Variants in CSMD2 observed in about 807,000 individuals in gnomAD.
CSMD2 encodes CUB and sushi domain-containing protein 2.
Under a neutral mutation model 398.5 loss-of-function variants are expected in CSMD2, and 130 were observed. The ratio of observed to expected loss-of-function variants is 0.33; its 90% CI spans 0.28 to 0.38. CSMD2 has a LOEUF of 0.38. Among genes scored for constraint, CSMD2 ranks in the 10% least tolerant of loss-of-function variants. CSMD2 has a pLI of 1.00. For synonymous variants in CSMD2, 1,828 were observed against 1,908.5 expected (o/e 0.96, Z 1.10); for missense variants, 3,829 against 4,764.9 (o/e 0.80, Z 5.78).
intron 48 of CSMD2, among the ~76,000 whole-genome samples, chr1:33,579,022 A>T (rs1638501569): frequency 1.3e-5 from 2 of 152,084 alleles, no homozygotes; most frequent in African/African-American, 4.8e-5. Flanking sequence ...TGCAAATTAC[A>T]CTCATCTACT....
intron 4 of CSMD2, among the ~76,000 whole-genome samples, chr1:33,927,601 G>A (rs1406256508): frequency 6.6e-6 from 1 of 152,102 alleles, no homozygotes; most frequent in Non-Finnish European, 1.5e-5. Flanking sequence ...TTGGAGCTAG[G>A]GTTTGAACCT....
intron 3 of CSMD2, among the ~76,000 whole-genome samples, chr1:33,974,290 G>A (rs979765563): frequency 3.3e-5 from 5 of 152,178 alleles, no homozygotes; most frequent in African/African-American, 7.2e-5. Context: ...ACATGGGCTC[G>A]CACAAATCTC....
intron 22 of CSMD2, 105 bp downstream of exon 22, chr1:33,708,984 G>A (rs1238744343): frequency 9.5e-7 from 1 of 1,053,332 alleles, no homozygotes; most frequent in Non-Finnish European, 1.4e-6. Context: ...TGGGACTCAG[G>A]AAGGAAGGAG....
chr1:33,904,471 G>A (rs1333450439), intron 5 of CSMD2, among the ~76,000 whole-genome samples: 2 of 152,146 alleles, frequency 1.3e-5, no homozygotes, highest in African/African-American at 4.8e-5. Flanking sequence ...TCTCCTTGTC[G>A]CTACTGTTCC....
intron 53 of CSMD2, among the ~76,000 whole-genome samples, chr1:33,567,334 C>G (rs969666390): frequency 1.3e-5 from 2 of 151,230 alleles, no homozygotes; most frequent in Non-Finnish European, 2.9e-5. Context: ...AATTCCTACT[C>G]AAAAGCTAGA....
At chr1:33,547,260 C>T (rs965944738) in intron 56 of CSMD2, among the ~76,000 whole-genome samples, 1 of 152,178 alleles carries the variant, frequency 6.6e-6, no homozygotes, top group Admixed American at 6.5e-5. Flanking sequence ...GGAGACAAAG[C>T]CACAAGATCT....
intron 22 of CSMD2, among the ~76,000 whole-genome samples, chr1:33,707,863 G>A (rs1405105016): frequency 6.6e-6 from 1 of 152,046 alleles, no homozygotes; most frequent in Non-Finnish European, 1.5e-5. Context: ...GAAATTTAAT[G>A]GTTTATCTTT....
At chr1:34,052,441 C>A (rs1653294724) in intron 2 of CSMD2, among the ~76,000 whole-genome samples, 1 of 137,860 alleles carries the variant, frequency 7.3e-6, no homozygotes, top group African/African-American at 2.9e-5. Context: ...TAAGCATCTG[C>A]AGATTTTTAT....
At chr1:34,106,209 A>G (rs1288138436) in intron 1 of CSMD2, among the ~76,000 whole-genome samples, 1 of 152,166 alleles carries the variant, frequency 6.6e-6, no homozygotes, top group African/African-American at 2.4e-5. Flanking sequence ...AGCCATCTCC[A>G]CGTGACAAGT....
chr1:33,725,296 G>T lies in CSMD2; in HGVS notation c.2695+53C>A. On this transcript the variant is annotated intron_variant, in intron 17 of 70. Transcript: ENST00000373381. ...GGTGGAGCACAGTCCTGAGGCCTTT[G>T]ACCCACCTGGGCTGACCTTGTCATC... 3 of 1,522,652 alleles carry T rather than the reference G, an allele frequency of 2.0e-6. No homozygotes were observed. The South Asian group carries it at 3.4e-5, about 17-fold the overall frequency. The allele number at this position is 1,522,652 out of a possible 1,614,324, so 94.3% of individuals were successfully genotyped here. A position where few individuals can be genotyped will look rare whatever the true frequency, so the allele number is the denominator to read the frequency against.
intron 5 of CSMD2, among the ~76,000 whole-genome samples, chr1:33,853,063 A>G (rs975839506): frequency 1.3e-5 from 2 of 152,252 alleles, no homozygotes; most frequent in African/African-American, 4.8e-5. Flanking sequence ...GAATCATAAA[A>G]AAGGACACAG....
chr1:33,797,319 C>T (rs1557909909), intron 10 of CSMD2, among the ~76,000 whole-genome samples: 1 of 152,224 alleles, frequency 6.6e-6, no homozygotes, highest in Non-Finnish European at 1.5e-5. Context: ...TAAAATTCCT[C>T]TCTTTGTACT....
At chr1:33,998,320 T>C (rs1187628211) in intron 3 of CSMD2, among the ~76,000 whole-genome samples, 3 of 152,186 alleles carry the variant, frequency 2.0e-5, no homozygotes, top group Non-Finnish European at 4.4e-5. Flanking sequence ...CCCCTAGTCC[T>C]TGGATTTCTC....
intron 64 of CSMD2, among the ~76,000 whole-genome samples, chr1:33,529,260 C>A (rs1655042500): frequency 6.6e-6 from 1 of 152,206 alleles, no homozygotes; most frequent in Admixed American, 6.5e-5. Flanking sequence ...CCTACCTCAG[C>A]CTTCTGAATA....
chr1:33,969,939 C>T (rs1238172154), intron 3 of CSMD2, among the ~76,000 whole-genome samples: 2 of 151,900 alleles, frequency 1.3e-5, no homozygotes. Context: ...AGAAACCCCA[C>T]CTCTACTAAA....
chr1:33,669,341 G>A (rs751577821), intron 25 of CSMD2, among the ~76,000 whole-genome samples: 1 of 152,188 alleles, frequency 6.6e-6, no homozygotes. Flanking sequence ...AAGAGGAATC[G>A]AAAGAGTAAC....
chr1:33,852,532 TG>T (rs1638786713), intron 5 of CSMD2, among the ~76,000 whole-genome samples: 2 of 152,234 alleles, frequency 1.3e-5, no homozygotes, highest in Admixed American at 1.3e-4. Flanking sequence ...CCTGGCTACT[TG>T]GGAAAATATC....
At chr1:34,033,768 T>C (rs892131810) in intron 2 of CSMD2, among the ~76,000 whole-genome samples, 1 of 152,222 alleles carries the variant, frequency 6.6e-6, no homozygotes, top group African/African-American at 2.4e-5. Context: ...CCCACTGCTA[T>C]ACAATATCTT....
At chr1:33,963,374 G>A (rs547011093) in intron 3 of CSMD2, among the ~76,000 whole-genome samples, 1 of 152,306 alleles carries the variant, frequency 6.6e-6, no homozygotes, top group Non-Finnish European at 1.5e-5. Context: ...TTACAGCCTT[G>A]TTGAGGTTAT....
Sources: allele counts gnomAD v4.1 joint callset (sites outside exome capture counted in the v4.1 genomes callset), GRCh38; gene constraint gnomAD v4.1.1; transcripts MANE v1.5; gene names NCBI Gene and HGNC (gene_info 2026-07-23, HGNC 2026-07-21).